The following PRPF38B variants were observed in gnomAD, a reference collection of about 807,000 sequenced individuals.
PRPF38B encodes pre-mRNA-splicing factor 38B.
In PRPF38B, 18 loss-of-function variants were observed where a neutral mutation model predicts 67.2. The observed-to-expected ratio is 0.27, with a 90% confidence interval of 0.19 to 0.40. PRPF38B has a LOEUF of 0.40. PRPF38B is among the 10% of genes least tolerant of loss of function. The probability of loss-of-function intolerance (pLI) is 1.00; values close to 1 mark genes in which losing one functional copy is unlikely to be tolerated. For synonymous variants in PRPF38B, 246 were observed against 234.2 expected, an observed-to-expected ratio of 1.05 and a Z score of -0.46; for missense variants, 544 against 684.9, an observed-to-expected ratio of 0.79 and a Z score of 2.30.
Position 108,698,744 on chromosome 1 carries a change from T to A in PRPF38B, c.699T>A (p.Ile233=). The stretch of plus-strand genomic sequence containing the variant: ...TTCAAAAGAATATTGATCAACAGAT[T>A]AAAACCCGACCTAGAAAAATCAAGA... ...VPVQKNIDQQ[I]KTRPRKIKKD... The change falls in exon 5 of 6, where the codon ATT becomes ATA. Residue 233 remains isoleucine, a synonymous_variant. Coordinates refer to ENST00000370025, the MANE Select transcript of PRPF38B (RefSeq NM_018061.4). 1 of 1,614,016 alleles carries A rather than the reference T, an allele frequency of 6.2e-7. No homozygotes were observed.
Position 108,692,544 on chromosome 1 carries a change from T to TGGGGGGGGGG in PRPF38B, c.-46_-45insGGGGGGGGGG. On this transcript the variant is annotated 5_prime_UTR_variant, in exon 1 of 6. Transcript: ENST00000370025. The stretch of plus-strand genomic sequence containing the variant: ...TTGTCCCGAAGAGCGAGATCGAGCT[T>TGGGGGGGGGG]GGCCCCCTCCCCCCCCTCCTTCCCT... The TGGGGGGGGGG allele has an allele frequency of 6.7e-7, 1 of 1,496,410 alleles. No homozygotes were observed. The highest frequency in any genetic ancestry group is 8.9e-7 in the Non-Finnish European group (1 of 1,123,864). The allele number at this position is 1,496,410 out of a possible 1,614,324, so 92.7% of individuals were successfully genotyped here.
rs141378492 is a variant in PRPF38B at position 108,698,672 on chromosome 1, A to C, written c.627A>C (p.Thr209=). Residue 209 remains threonine, a synonymous_variant, in exon 5 of 6, where the codon ACA becomes ACC. Transcript: ENST00000370025. ...GAGAAATGCTACGATCTTTTCTCAC[A>C]AAACTGGAGTGGTTTTCTACCTTGT... ...TIGEMLRSFL[T]KLEWFSTLFP... 1.5e-5 allele frequency: 25 copies of C among 1,614,024 alleles called. No homozygotes were observed. In the African/African-American group the frequency reaches 3.1e-4, roughly 20 times the overall value.
Position 108,696,242 on chromosome 1 carries a change from C to G in PRPF38B, c.498-35C>G. On this transcript the variant is annotated intron_variant, in intron 3 of 5. Transcript: ENST00000370025. ...TTCCAGTAAATATCTCATTTTAATT[C>G]ACATGTGTTTAATAATAGTCTTTTG... The G allele has an allele frequency of 1.9e-6, 3 of 1,610,144 alleles. 1 individual carries two copies. The South Asian group carries it at 3.3e-5, about 18-fold the overall frequency.
At chr1:108,696,637 A>C in intron 4 of PRPF38B, 1 of 691,032 alleles carries the variant, frequency 1.4e-6, no homozygotes, top group South Asian at 1.6e-5. Context: ...TGTATAGTTA[A>C]TAGTGACTTT....
intron 1 of PRPF38B, among the ~76,000 whole-genome samples, chr1:108,693,412 A>C (rs942086214): frequency 1.3e-5 from 2 of 152,070 alleles, no homozygotes; most frequent in Admixed American, 6.5e-5. Flanking sequence ...GAAGGCCTGG[A>C]AATTTTCCCA....
rs1399946719 is a variant in PRPF38B, at chr1:108,695,719, A to G, written c.294A>G (p.Pro98=). 7 of 1,613,926 alleles carry G rather than the reference A, an allele frequency of 4.3e-6. No individual in the cohort carries two copies. In the African/African-American group the frequency reaches 5.3e-5, roughly 12 times the overall value. Residue 98 remains proline (P), a synonymous_variant, in exon 2 of 6, where the codon CCA becomes CCG. Coordinates refer to ENST00000370025, the MANE Select transcript of PRPF38B (RefSeq NM_018061.4). ...EIYFKVTHVE[P]WEKGSRKTAG... is the part of the protein sequence containing the mutation. ...ATTTTCAGGTCACGCACGTTGAACC[A>G]TGGGAGAAAGGAAGCAGGAAAACAG...
rs1346812854 is a variant in PRPF38B, at chr1:108,700,735, T to C, written c.*715T>C. 1 of 152,650 alleles carries C rather than the reference T, an allele frequency of 6.6e-6. No individual in the cohort carries two copies. Among genetic ancestry groups the C allele is most frequent in the Non-Finnish European group, 1.5e-5 (1 of 68,044 alleles). The allele number at this position is 152,650 out of a possible 1,614,324, so 9.5% of individuals were successfully genotyped here. A position where few individuals can be genotyped will look rare whatever the true frequency, so the allele number is the denominator to read the frequency against. On this transcript the variant is annotated 3_prime_UTR_variant, in exon 6 of 6. Coordinates refer to ENST00000370025, the MANE Select transcript of PRPF38B (RefSeq NM_018061.4). ...AATTTATTCACTTAGTTTTCCTTTTTTATTTGAAAAAATACATGACATGTA... is the reference window on the plus strand; with the variant it reads ...AATTTATTCACTTAGTTTTCCTTTTCTATTTGAAAAAATACATGACATGTA...
chr1:108,692,950 T>G (rs997457028), intron 1 of PRPF38B, 83 bp downstream of exon 1: 129 of 1,503,658 alleles, frequency 8.6e-5, no homozygotes, highest in Non-Finnish European at 1.1e-4. Flanking sequence ...GCCCCCGAAA[T>G]CTGAAGATTT....
intron 1 of PRPF38B, 87 bp from the exon 2 acceptor site, chr1:108,695,615 C>CT: frequency 3.9e-6 from 5 of 1,283,042 alleles, no homozygotes; most frequent in Non-Finnish European, 5.5e-6. Context: ...AAGAGCTGCT[C>CT]TATTATGGAC....
Position 108,698,779 on chromosome 1 carries a change from A to G in PRPF38B, c.734A>G (p.Lys245Arg). Residue 245 changes from lysine to arginine, a missense_variant, in exon 5 of 6, where the codon AAG becomes AGG. By Grantham distance (26) the Lys-to-Arg change is conservative. Coordinates refer to ENST00000370025, the MANE Select transcript of PRPF38B (RefSeq NM_018061.4). Reference protein sequence around the residue: ...TRPRKIKKDGKEGAEEIDRHV... With the variant: ...TRPRKIKKDGREGAEEIDRHV... ...CCTAGAAAAATCAAGAAAGATGGGA[A>G]GGAAGGTGCTGAGGAAATAGACAGA... 6.2e-7 allele frequency: 1 copy of G among 1,614,038 alleles called. No individual in the cohort carries two copies. Among genetic ancestry groups the G allele is most frequent in the Middle Eastern group, 1.6e-4 (1 of 6,062 alleles).
chr1:108,696,829 A>T, intron 4 of PRPF38B: 5 of 698,056 alleles, frequency 7.2e-6, no homozygotes, highest in Non-Finnish European at 1.3e-5. Flanking sequence ...TAAATAGGCT[A>T]AGTGTTTGGA....
At position 108,700,455 on chromosome 1, in the gene PRPF38B, A is replaced by G. The variant is rs1660368157; in HGVS notation, c.*435A>G. 6.3e-6 allele frequency: 1 copy of G among 157,716 alleles called. No individual in the cohort carries two copies. Among genetic ancestry groups the G allele is most frequent in the African/African-American group, 2.4e-5 (1 of 41,506 alleles). The allele number at this position is 157,716 out of a possible 1,614,324, so 9.8% of individuals were successfully genotyped here. A position where few individuals can be genotyped will look rare whatever the true frequency, so the allele number is the denominator to read the frequency against. On this transcript the variant is annotated 3_prime_UTR_variant, in exon 6 of 6. Transcript: ENST00000370025. ...TAATAGAATGCTAAAGACTTTGAGAATGGATCTTGGATGTCTATTATAGGA... is the reference window on the plus strand; with the variant it reads ...TAATAGAATGCTAAAGACTTTGAGAGTGGATCTTGGATGTCTATTATAGGA...
intron 4 of PRPF38B, chr1:108,696,973 T>A (rs1659922068): frequency 1.8e-6 from 1 of 553,152 alleles, no homozygotes; most frequent in African/African-American, 1.9e-5. Context: ...CTAAGTTAGA[T>A]TTAAATCGTG....
rs1660331567 is a variant in PRPF38B at position 108,700,129 on chromosome 1, A to G, written c.*109A>G. On this transcript the variant is annotated 3_prime_UTR_variant, in exon 6 of 6. Transcript: ENST00000370025. The stretch of plus-strand genomic sequence containing the variant: ...TTCGCACTCCTCAAGCTCTCCCTGT[A>G]GGCTGCATTTTCATTTCCTCTTTCG... 2 of 1,438,674 alleles carry G rather than the reference A, an allele frequency of 1.4e-6. No individual in the cohort carries two copies. The highest frequency in any genetic ancestry group is 1.8e-6 in the Non-Finnish European group (2 of 1,095,442). 89.1% of individuals were successfully genotyped at this position (1,438,674 alleles called of 1,614,324 possible). A position where few individuals can be genotyped will look rare whatever the true frequency, so the allele number is the denominator to read the frequency against.
Position 108,700,153 on chromosome 1 carries a change from C to A in PRPF38B, c.*133C>A. 1 of 1,376,168 alleles carries A rather than the reference C, an allele frequency of 7.3e-7. No individual in the cohort carries two copies. Among genetic ancestry groups the A allele is most frequent in the Non-Finnish European group, 9.5e-7 (1 of 1,049,502 alleles). 85.2% of individuals were successfully genotyped at this position (1,376,168 alleles called of 1,614,324 possible). A position where few individuals can be genotyped will look rare whatever the true frequency, so the allele number is the denominator to read the frequency against. On this transcript the variant is annotated 3_prime_UTR_variant, in exon 6 of 6. Coordinates refer to ENST00000370025, the MANE Select transcript of PRPF38B (RefSeq NM_018061.4). Reference sequence around the variant, plus strand: ...TAGGCTGCATTTTCATTTCCTCTTTCGTGTAGGGAAGTGCCTTTGTAATTC... The same window carrying A: ...TAGGCTGCATTTTCATTTCCTCTTTAGTGTAGGGAAGTGCCTTTGTAATTC...
intron 4 of PRPF38B, chr1:108,697,272 T>G (rs1340979765): frequency 6.6e-6 from 1 of 152,642 alleles, no homozygotes; most frequent in Non-Finnish European, 1.5e-5. Flanking sequence ...ATATATGCAT[T>G]AATTTACTTG....
rs1660329550 is a variant in PRPF38B, at chr1:108,700,109, ACTC to A, written c.*93_*95del. On this transcript the variant is annotated 3_prime_UTR_variant, in exon 6 of 6. Transcript: ENST00000370025. ...ACGTTGAGATTGTGCAGTAGTTCGCACTCCTCAAGCTCTCCCTGTAGGCTGCAT... is the reference window on the plus strand; with the variant it reads ...ACGTTGAGATTGTGCAGTAGTTCGCACTCAAGCTCTCCCTGTAGGCTGCAT... 2 of 1,491,066 alleles carry A rather than the reference ACTC, an allele frequency of 1.3e-6. No homozygotes were observed. Among genetic ancestry groups the A allele is most frequent in the African/African-American group, 1.4e-5 (1 of 71,230 alleles). 92.4% of individuals were successfully genotyped at this position (1,491,066 alleles called of 1,614,324 possible).
rs770538285 is a variant in PRPF38B, at chr1:108,699,411, T to C, written c.1032T>C (p.Asp344=). The change falls in exon 6 of 6, where the codon GAT becomes GAC. Residue 344 remains aspartate, a synonymous_variant. Coordinates refer to ENST00000370025, the MANE Select transcript of PRPF38B (RefSeq NM_018061.4). ...ATAGAAGTCGCAGTCGAAGTCGTGA[T>C]AGGAAAGGGGATAGAAGGGACAGGG... The part of the protein sequence containing the change: ...ERHRSRSRSR[D]RKGDRRDRDR... 2.5e-6 allele frequency: 4 copies of C among 1,612,772 alleles called. No homozygotes were observed. In the South Asian group the frequency reaches 4.4e-5, roughly 18 times the overall value.
rs1660345846 is a variant in PRPF38B, at chr1:108,700,301, T to G, written c.*281T>G. ...CTGTACATATGTCCTGAAAATGTTT[T>G]AATTCCTTTGGCATGGTTGCCATGT... On this transcript the variant is annotated 3_prime_UTR_variant, in exon 6 of 6. Coordinates refer to ENST00000370025, the MANE Select transcript of PRPF38B (RefSeq NM_018061.4). 1.2e-5 allele frequency: 4 copies of G among 329,638 alleles called. No homozygotes were observed. The Admixed American group carries it at 1.4e-4, about 12-fold the overall frequency. The allele number at this position is 329,638 out of a possible 1,614,324, so 20.4% of individuals were successfully genotyped here.
Sources: allele counts gnomAD v4.1 joint callset (sites outside exome capture counted in the v4.1 genomes callset), GRCh38; gene constraint gnomAD v4.1.1; transcripts MANE v1.5; gene names NCBI Gene and HGNC (gene_info 2026-07-23, HGNC 2026-07-21).